The following EPC2 variants were observed in gnomAD, a reference collection of about 807,000 sequenced individuals.
The protein encoded by EPC2 is enhancer of polycomb 2, also known as enhancer of polycomb homolog 2.
In EPC2, 14 loss-of-function variants were observed where a neutral mutation model predicts 92.1. The observed-to-expected ratio is 0.15, with a 90% CI of 0.10 to 0.24. The LOEUF is 0.24. EPC2 is among the 10% of genes least tolerant of loss of function. EPC2 has a pLI of 1.00. For synonymous variants in EPC2, 340 were observed against 334.7 expected, an observed-to-expected ratio of 1.02 and a Z score of -0.17; for missense variants, 755 against 971.5, an observed-to-expected ratio of 0.78 and a Z score of 2.96.
Position 148,656,773 on chromosome 2 carries a change from C to G in EPC2, c.153+11603C>G, listed in dbSNP as rs376053248. Among the ~76,000 whole-genome samples the G allele has an allele frequency of 1.5e-4, 23 of 152,278 alleles. 2 individuals carry two copies. The East Asian group carries it at 3.7e-3, about 24-fold the overall frequency. On this transcript the variant is annotated intron_variant, in intron 1 of 13. Transcript: ENST00000258484. ...GTAAGATGTACCCATTCACAAGCAG[C>G]TTATTGCTTAGTAGGAGAGAAAGGA...
chr2:148,705,237 A>G (rs1250935740), intron 2 of EPC2, among the ~76,000 whole-genome samples: 2 of 152,144 alleles, frequency 1.3e-5, no homozygotes, highest in East Asian at 3.8e-4. Flanking sequence ...CTGTCTATAG[A>G]TTCTAACTCT....
intron 4 of EPC2, among the ~76,000 whole-genome samples, chr2:148,760,107 A>G (rs1683273053): frequency 1.3e-5 from 2 of 152,160 alleles, no homozygotes; most frequent in South Asian, 2.1e-4. Context: ...GCTGGGTGTG[A>G]TGGTGGATTC....
At chr2:148,715,285 G>A (rs910940521) in intron 2 of EPC2, among the ~76,000 whole-genome samples, 4 of 152,066 alleles carry the variant, frequency 2.6e-5, no homozygotes, top group Admixed American at 6.5e-5. Flanking sequence ...TGCCCACCTC[G>A]GCCTCCCAAA....
chr2:148,707,372 G>A (rs890661622), intron 2 of EPC2, among the ~76,000 whole-genome samples: 1 of 152,138 alleles, frequency 6.6e-6, no homozygotes, highest in African/African-American at 2.4e-5. Context: ...CCTAAAAAGC[G>A]ACTTAGACTC....
chr2:148,651,427 A>C (rs1680681377), intron 1 of EPC2, among the ~76,000 whole-genome samples: 1 of 152,186 alleles, frequency 6.6e-6, no homozygotes, highest in Non-Finnish European at 1.5e-5. Context: ...CAGCACTAAA[A>C]ACCGTTTAAA....
In EPC2 at chr2:148,751,184, T is replaced by C. The variant is rs543874416; in HGVS notation, c.460-2743T>C. Among the ~76,000 whole-genome samples the C allele has an allele frequency of 3.4e-4, 52 of 152,164 alleles. 1 individual carries two copies. The highest frequency in any genetic ancestry group is 6.2e-4 in the South Asian group (3 of 4,832). ...CTAGTTGACTGTTTTGTAAATTAAA[T>C]TACTGCTTAACTCAATGTTTTATAA... On this transcript the variant is annotated intron_variant, in intron 3 of 13. Transcript: ENST00000258484.
chr2:148,718,905 A>G (rs1362739451), intron 2 of EPC2, among the ~76,000 whole-genome samples: 2 of 152,038 alleles, frequency 1.3e-5, no homozygotes, highest in Non-Finnish European at 2.9e-5. Context: ...TGTTTACATA[A>G]TCCCATATTT....
intron 1 of EPC2, among the ~76,000 whole-genome samples, chr2:148,683,585 C>G (rs1663925194): frequency 1.3e-5 from 2 of 152,080 alleles, no homozygotes; most frequent in South Asian, 4.1e-4. Flanking sequence ...ATTCTTATGC[C>G]TTTGCATCCT....
intron 4 of EPC2, among the ~76,000 whole-genome samples, chr2:148,755,135 A>G (rs1005792527): frequency 4.6e-5 from 7 of 152,182 alleles, no homozygotes; most frequent in Non-Finnish European, 8.8e-5. Context: ...CAGAATTTCT[A>G]TAATTCTTGA....
At chr2:148,706,832 A>C (rs1206896986) in intron 2 of EPC2, among the ~76,000 whole-genome samples, 1 of 152,224 alleles carries the variant, frequency 6.6e-6, no homozygotes, top group Non-Finnish European at 1.5e-5. Flanking sequence ...TTGCCGTACA[A>C]GAGCTCCTGA....
At chr2:148,691,206 C>T (rs1023152768) in intron 2 of EPC2, among the ~76,000 whole-genome samples, 5 of 152,184 alleles carry the variant, frequency 3.3e-5, no homozygotes, top group Admixed American at 2.6e-4. Flanking sequence ...TCCCTATACT[C>T]TTCTAATCTA....
At chr2:148,662,683 G>A (rs921137511) in intron 1 of EPC2, among the ~76,000 whole-genome samples, 5 of 152,052 alleles carry the variant, frequency 3.3e-5, no homozygotes, top group African/African-American at 7.2e-5. Context: ...GGGGGGAGGC[G>A]GGAGGAATAG....
chr2:148,700,857 A>C (rs115310133), intron 2 of EPC2, among the ~76,000 whole-genome samples: 3,939 of 152,180 alleles, frequency 0.026, 58 homozygotes, highest in East Asian at 0.032. Context: ...GACGTTGTTG[A>C]ATCTGTATCA....
At chr2:148,760,660 A>T (rs921920923) in intron 4 of EPC2, among the ~76,000 whole-genome samples, 12 of 152,242 alleles carry the variant, frequency 7.9e-5, no homozygotes, top group Admixed American at 2.0e-4. Context: ...TGAATTTTTT[A>T]AAATTACACA....
chr2:148,666,303 G>C (rs962765559), intron 1 of EPC2, among the ~76,000 whole-genome samples: 1 of 152,008 alleles, frequency 6.6e-6, no homozygotes, highest in African/African-American at 2.4e-5. Flanking sequence ...ACCATGCCTG[G>C]CTAATTTTTT....
chr2:148,724,459 A>G (rs1021861739), intron 2 of EPC2, among the ~76,000 whole-genome samples: 7 of 152,106 alleles, frequency 4.6e-5, no homozygotes, highest in African/African-American at 1.4e-4. Flanking sequence ...GTAACTTTGT[A>G]TCCAATAACA....
chr2:148,770,868 G>T lies in EPC2; in HGVS notation c.1307G>T (p.Cys436Phe), dbSNP rs1324198196. 1 of 1,613,918 alleles carries T rather than the reference G, an allele frequency of 6.2e-7. No individual in the cohort carries two copies. The change falls in exon 9 of 14, where the codon TGC (cysteine) becomes TTC (phenylalanine). Residue 436 changes from cysteine (C) to phenylalanine (F), a missense_variant. Coordinates refer to ENST00000258484, the MANE Select transcript of EPC2 (RefSeq NM_015630.4). ...TTGGATAAGTTGAGGTATAGGCATT[G>T]CCTTACAACACTTACAGTCCCAAGA... ...ADLDKLRYRH[C>F]LTTLTVPRRC...
chr2:148,661,428 T>C (rs917960772), intron 1 of EPC2, among the ~76,000 whole-genome samples: 8 of 152,150 alleles, frequency 5.3e-5, no homozygotes, highest in African/African-American at 1.9e-4. Flanking sequence ...TTCTCTTATG[T>C]AATTGAGTTA....
intron 3 of EPC2, among the ~76,000 whole-genome samples, chr2:148,751,595 T>G (rs1217700392): frequency 6.6e-6 from 1 of 152,076 alleles, no homozygotes; most frequent in African/African-American, 2.4e-5. Flanking sequence ...CTTAAGTGAC[T>G]CTCCCGAGTA....
Sources: allele counts gnomAD v4.1 joint callset (sites outside exome capture counted in the v4.1 genomes callset), GRCh38; gene constraint gnomAD v4.1.1; transcripts MANE v1.5; gene names NCBI Gene and HGNC (gene_info 2026-07-23, HGNC 2026-07-21).